The following NEK10 variants were observed in gnomAD, a reference collection of about 807,000 sequenced individuals.
NEK10 encodes the protein serine/threonine-protein kinase Nek10.
A neutral mutation model predicts 159.8 loss-of-function variants in NEK10; 122 were observed. That is an observed-to-expected ratio of 0.76 (90% CI 0.66 to 0.89). The LOEUF (loss-of-function observed/expected upper bound fraction) is 0.89. Ranked by LOEUF, NEK10 falls within the 40% of genes least tolerant of loss-of-function variation. The pLI, the probability that NEK10 is intolerant of heterozygous loss-of-function variation, is 0.00. For missense variants in NEK10, 1,342 were observed against 1,323.1 expected (o/e 1.01, Z -0.22); for synonymous variants, 466 against 457.1 (o/e 1.02, Z -0.25).
chr3:27,320,706 T>C (rs2045557510), intron 6 of NEK10, among the ~76,000 whole-genome samples: 1 of 152,166 alleles, frequency 6.6e-6, no homozygotes. Flanking sequence ...ATGCCCTGGC[T>C]CACATATCCA....
At chr3:27,189,496 A>G (rs544749336) in intron 26 of NEK10, among the ~76,000 whole-genome samples, 6 of 152,272 alleles carry the variant, frequency 3.9e-5, no homozygotes, top group Admixed American at 3.9e-4. Flanking sequence ...TGGATTGTGT[A>G]ACTGCATTAT....
intron 5 of NEK10, among the ~76,000 whole-genome samples, chr3:27,323,253 A>T (rs1202555270): frequency 6.6e-6 from 1 of 152,196 alleles, no homozygotes; most frequent in Non-Finnish European, 1.5e-5. Context: ...GAGTTGTCCC[A>T]TACTGAGGCA....
chr3:27,316,734 G>A (rs2045216884), intron 6 of NEK10, among the ~76,000 whole-genome samples: 2 of 151,712 alleles, frequency 1.3e-5, no homozygotes, highest in South Asian at 4.2e-4. Flanking sequence ...CCTGGAAACA[G>A]TCATTTTATT....
intron 29 of NEK10, among the ~76,000 whole-genome samples, chr3:27,168,144 T>C (rs1268825412): frequency 6.6e-6 from 1 of 152,144 alleles, no homozygotes; most frequent in East Asian, 1.9e-4. Context: ...TGTACTTCCC[T>C]GTGACTTCTC....
intron 5 of NEK10, among the ~76,000 whole-genome samples, chr3:27,327,255 C>T (rs1416378666): frequency 6.6e-6 from 1 of 151,316 alleles, no homozygotes; most frequent in African/African-American, 2.5e-5. Context: ...TAGCATTCAG[C>T]AGAGTGGCAT....
intron 23 of NEK10, among the ~76,000 whole-genome samples, chr3:27,204,315 T>TTTTTTTTTTTTTG (rs1559606319): frequency 1.8e-5 from 2 of 113,186 alleles, no homozygotes; most frequent in Non-Finnish European, 1.9e-5. Flanking sequence ...TTTTTTTTTT[T>TTTTTTTTTTTTTG]TTTTTTATTA....
chr3:27,337,765 G>T (rs2046915209), intron 5 of NEK10, among the ~76,000 whole-genome samples: 1 of 152,018 alleles, frequency 6.6e-6, no homozygotes, highest in African/African-American at 2.4e-5. Context: ...GAATGAAACT[G>T]GACCCCTATC....
chr3:27,149,590 A>C (rs765953024), intron 30 of NEK10, among the ~76,000 whole-genome samples: 2 of 152,164 alleles, frequency 1.3e-5, no homozygotes, highest in Non-Finnish European at 2.9e-5. Context: ...AACTGCACTC[A>C]TATAAGATAG....
intron 6 of NEK10, among the ~76,000 whole-genome samples, chr3:27,316,744 T>C (rs2045217136): frequency 6.6e-6 from 1 of 151,580 alleles, no homozygotes; most frequent in South Asian, 2.1e-4. Flanking sequence ...GTCATTTTAT[T>C]TTGTGCAGTG....
intron 26 of NEK10, among the ~76,000 whole-genome samples, chr3:27,188,458 ATT>A (rs1948821410): frequency 6.6e-6 from 1 of 152,214 alleles, no homozygotes; most frequent in African/African-American, 2.4e-5. Context: ...TACCACAGGC[ATT>A]TTCAATCTTT....
intron 30 of NEK10, among the ~76,000 whole-genome samples, chr3:27,151,257 C>T (rs906890766): frequency 5.9e-5 from 9 of 152,106 alleles, no homozygotes; most frequent in African/African-American, 1.7e-4. Flanking sequence ...TTGCAACCCC[C>T]GCCCCACCAC....
At chr3:27,169,664 A>C (rs990494566) in intron 29 of NEK10, among the ~76,000 whole-genome samples, 4 of 152,204 alleles carry the variant, frequency 2.6e-5, no homozygotes, top group Non-Finnish European at 5.9e-5. Flanking sequence ...TTTGTCACCT[A>C]ACTGAATCCC....
Position 27,314,314 on chromosome 3 carries a change from TC to T in NEK10, c.471del (p.Ile158LeufsTer4). The T allele has an allele frequency of 6.2e-7, 1 of 1,603,478 alleles. No individual in the cohort carries two copies. The highest frequency in any genetic ancestry group is 8.5e-7 in the Non-Finnish European group (1 of 1,173,882). On this transcript the variant is annotated frameshift_variant, in exon 7 of 36. Transcript: ENST00000691995. LOFTEE classifies it high-confidence loss of function. ...CYQEILHSLG[G>X]IENLAQYMEI... ...AATCTTACCTGAGCTAGGTTTTCAA[TC>T]CCACCCAAGCTATGGAGTATTTCCT...
intron 5 of NEK10, among the ~76,000 whole-genome samples, chr3:27,329,320 G>T (rs976634103): frequency 6.6e-6 from 1 of 152,108 alleles, no homozygotes; most frequent in African/African-American, 2.4e-5. Flanking sequence ...TATTAGCGAC[G>T]TGAAAACAGA....
Position 27,111,180 on chromosome 3 carries a change from A to G in NEK10, c.*92T>C. 8.1e-7 allele frequency: 1 copy of G among 1,236,594 alleles called. No individual in the cohort carries two copies. The highest frequency in any genetic ancestry group is 1.2e-6 in the Non-Finnish European group (1 of 848,708). The allele number at this position is 1,236,594 out of a possible 1,614,324, so 76.6% of individuals were successfully genotyped here. ...CTTGGTCTTTTCCACACCCTCTAGCAGCACCCAATCCTTGGGCATCTTGCA... is the reference window on the plus strand; with the variant it reads ...CTTGGTCTTTTCCACACCCTCTAGCGGCACCCAATCCTTGGGCATCTTGCA... On this transcript the variant is annotated 3_prime_UTR_variant, in exon 36 of 36. Coordinates refer to ENST00000691995, the MANE Select transcript of NEK10 (RefSeq NM_001394966.1).
intron 30 of NEK10, among the ~76,000 whole-genome samples, chr3:27,149,751 G>T (rs1038949760): frequency 1.3e-5 from 2 of 152,018 alleles, no homozygotes; most frequent in African/African-American, 4.8e-5. Flanking sequence ...GCCTCTAATT[G>T]TTCAAGTGGA....
intron 30 of NEK10, among the ~76,000 whole-genome samples, chr3:27,150,339 C>G (rs1944709136): frequency 6.6e-6 from 1 of 152,188 alleles, no homozygotes; most frequent in South Asian, 2.1e-4. Flanking sequence ...ACTTTCATAG[C>G]TAGGGAGGAG....
chr3:27,110,964 T>G lies in NEK10; in HGVS notation c.*308A>C, dbSNP rs1939447593. 3 of 250,978 alleles carry G rather than the reference T, an allele frequency of 1.2e-5. No homozygotes were observed. Among genetic ancestry groups the G allele is most frequent in the South Asian group, 3.5e-4 (2 of 5,750 alleles). 15.5% of individuals were successfully genotyped at this position (250,978 alleles called of 1,614,324 possible). ...AAGGAAAATTCTGTAAGAGAGTTTT[T>G]TTGTTGTTGTTTTTGGGTTTTCCCC... On this transcript the variant is annotated 3_prime_UTR_variant, in exon 36 of 36. Coordinates refer to ENST00000691995, the MANE Select transcript of NEK10 (RefSeq NM_001394966.1).
chr3:27,366,104 CAAAT>C (rs1045626447), intron 1 of NEK10, among the ~76,000 whole-genome samples: 7 of 152,194 alleles, frequency 4.6e-5, no homozygotes, highest in Middle Eastern at 3.4e-3. Flanking sequence ...GAACACAATA[CAAAT>C]AAATAACATT....
Sources: allele counts gnomAD v4.1 joint callset (sites outside exome capture counted in the v4.1 genomes callset), GRCh38; gene constraint gnomAD v4.1.1; transcripts MANE v1.5; gene names NCBI Gene and HGNC (gene_info 2026-07-23, HGNC 2026-07-21).